The following MARCHF1 variants were observed in gnomAD, a reference collection of about 807,000 sequenced individuals.
MARCHF1 encodes membrane associated ring-CH-type finger 1.
MARCHF1 carries 40 observed loss-of-function variants against 54.2 expected under a neutral mutation model. That is an observed-to-expected ratio of 0.74 (90% CI 0.57 to 0.96). MARCHF1 has a LOEUF of 0.96. Ranked by LOEUF, MARCHF1 falls within the 40% of genes least tolerant of loss-of-function variation. MARCHF1 has a pLI of 0.00. For synonymous variants in MARCHF1, 236 were observed against 236.3 expected (o/e 1.00, Z 0.01); for missense variants, 586 against 656.5 (o/e 0.89, Z 1.17).
At chr4:164,359,741 C>A (rs112622612) in intron 1 of MARCHF1, among the ~76,000 whole-genome samples, 1 of 152,122 alleles carries the variant, frequency 6.6e-6, no homozygotes, top group Non-Finnish European at 1.5e-5. Flanking sequence ...CTTATAAATA[C>A]TGACAGTGCT....
In MARCHF1 at chr4:163,612,647, G is replaced by C; in HGVS notation, c.634C>G (p.Leu212Val). The change falls in exon 7 of 10, where the codon CTG becomes GTG. Residue 212 changes from leucine (L) to valine (V), a missense_variant. This residue lies in a region of MARCHF1 where 387 missense variants were observed against 394.6 expected (regional missense o/e 0.98). Transcript: ENST00000514618. The part of the protein sequence containing the change: ...STPNGIELVD[L>V]GSKGKEQQEL... ...TGTTGCTCTTTACCTTTGGATCCCA[G>C]ATCAACGAGCTCAATTCCGTTAGGA... is the stretch of plus-strand genomic sequence containing the variant. 6.5e-7 allele frequency: 1 copy of C among 1,535,560 alleles called. No homozygotes were observed. The highest frequency in any genetic ancestry group is 8.7e-7 in the Non-Finnish European group (1 of 1,146,544).
At position 164,013,187 on chromosome 4, in the gene MARCHF1, A is replaced by G. The variant is rs149619818; in HGVS notation, c.-247-24478T>C. On this transcript the variant is annotated intron_variant, in intron 2 of 9. Coordinates refer to ENST00000514618, the MANE Select transcript of MARCHF1 (RefSeq NM_001394959.1). Reference sequence around the variant, plus strand: ...ATTAAAAATTCTATCACAAAAATTTAACAAAGTGATTGAAATCATTAAAAA... The same window carrying G: ...ATTAAAAATTCTATCACAAAAATTTGACAAAGTGATTGAAATCATTAAAAA... Among the ~76,000 whole-genome samples, 48 of 152,332 alleles carry G rather than the reference A, an allele frequency of 3.2e-4. 1 individual carries two copies. Among genetic ancestry groups the G allele is most frequent in the African/African-American group, 1.0e-3 (43 of 41,578 alleles).
intron 3 of MARCHF1, among the ~76,000 whole-genome samples, chr4:163,959,098 A>G (rs1180093679): frequency 6.6e-6 from 1 of 151,962 alleles, no homozygotes; most frequent in Non-Finnish European, 1.5e-5. Flanking sequence ...AGGTTGATCT[A>G]CCATACACAG....
At chr4:164,061,972 T>C (rs946128248) in intron 2 of MARCHF1, among the ~76,000 whole-genome samples, 11 of 152,164 alleles carry the variant, frequency 7.2e-5, no homozygotes, top group African/African-American at 2.7e-4. Flanking sequence ...TCATGAAAGA[T>C]TATTCTGTAG....
chr4:164,208,122 C>G lies in MARCHF1; in HGVS notation c.-322-96460G>C, dbSNP rs560744797. ...TCCCTGATGTCAAGGAGCTCTGTGT[C>G]AAGGGATTAACTCATCAGTGTCTCT... On this transcript the variant is annotated intron_variant, in intron 1 of 9. Transcript: ENST00000514618. Among the ~76,000 whole-genome samples the G allele has an allele frequency of 7.9e-5, 12 of 152,212 alleles. No homozygotes were observed. The South Asian group carries it at 1.5e-3, about 18-fold the overall frequency.
At chr4:164,073,880 C>T (rs1201776686) in intron 2 of MARCHF1, among the ~76,000 whole-genome samples, 6 of 151,906 alleles carry the variant, frequency 3.9e-5, no homozygotes, top group South Asian at 2.1e-4. Flanking sequence ...TTCGGCTCAC[C>T]GCAAACTCTG....
intron 4 of MARCHF1, among the ~76,000 whole-genome samples, chr4:163,789,830 A>C (rs1283104453): frequency 6.6e-6 from 1 of 152,012 alleles, no homozygotes; most frequent in Non-Finnish European, 1.5e-5. Flanking sequence ...CTTAAGGAAA[A>C]ATGTTTGAAA....
intron 3 of MARCHF1, among the ~76,000 whole-genome samples, chr4:163,934,999 A>G (rs923071568): frequency 2.6e-5 from 4 of 152,130 alleles, no homozygotes; most frequent in Admixed American, 1.3e-4. Flanking sequence ...CTTAAAAACT[A>G]TGTTTCTTAA....
chr4:163,536,489 A>G (rs1402636231), intron 9 of MARCHF1, among the ~76,000 whole-genome samples: 2 of 152,156 alleles, frequency 1.3e-5, no homozygotes, highest in Non-Finnish European at 2.9e-5. Flanking sequence ...CTCCGTGTGC[A>G]GTATGAGCTC....
chr4:164,055,981 T>C (rs1039037909), intron 2 of MARCHF1, among the ~76,000 whole-genome samples: 1 of 152,188 alleles, frequency 6.6e-6, no homozygotes, highest in African/African-American at 2.4e-5. Flanking sequence ...CAGAAATAAC[T>C]TTCAAAGAGC....
chr4:163,836,349 C>T (rs1447167059), intron 4 of MARCHF1, among the ~76,000 whole-genome samples: 1 of 150,448 alleles, frequency 6.6e-6, no homozygotes, highest in Non-Finnish European at 1.5e-5. Context: ...AGGTTCACGC[C>T]ATTCTCCTGC....
intron 7 of MARCHF1, among the ~76,000 whole-genome samples, chr4:163,589,776 C>T (rs770993881): frequency 2.2e-4 from 34 of 151,982 alleles, no homozygotes; most frequent in South Asian, 1.0e-3. Flanking sequence ...AATTTTGGTA[C>T]ATTTTTACCT....
At chr4:164,094,209 G>A (rs1285598664) in intron 2 of MARCHF1, among the ~76,000 whole-genome samples, 2 of 152,096 alleles carry the variant, frequency 1.3e-5, no homozygotes, top group East Asian at 3.9e-4. Flanking sequence ...AAAAGAAGAG[G>A]AAATAATTTA....
intron 4 of MARCHF1, among the ~76,000 whole-genome samples, chr4:163,791,963 A>G (rs1233076368): frequency 1.3e-5 from 2 of 152,182 alleles, no homozygotes; most frequent in Non-Finnish European, 2.9e-5. Flanking sequence ...TGCCCAGACA[A>G]TAACTGTTTC....
chr4:163,595,855 C>T (rs1417472165), intron 7 of MARCHF1, among the ~76,000 whole-genome samples: 1 of 151,988 alleles, frequency 6.6e-6, no homozygotes, highest in Non-Finnish European at 1.5e-5. Flanking sequence ...CTATAGTTAA[C>T]AGTAAATACT....
At chr4:163,720,802 A>T (rs1745427223) in intron 4 of MARCHF1, among the ~76,000 whole-genome samples, 1 of 152,100 alleles carries the variant, frequency 6.6e-6, no homozygotes, top group African/African-American at 2.4e-5. Context: ...TGTGAATGGG[A>T]GTTCACTCAT....
intron 5 of MARCHF1, among the ~76,000 whole-genome samples, chr4:163,695,287 G>A (rs191229803): frequency 6.6e-6 from 1 of 152,238 alleles, no homozygotes; most frequent in Admixed American, 6.6e-5. Flanking sequence ...AAGATTTACA[G>A]AAGTAAAATT....
intron 4 of MARCHF1, among the ~76,000 whole-genome samples, chr4:163,752,603 AG>A (rs1746556347): frequency 6.6e-6 from 1 of 152,244 alleles, no homozygotes; most frequent in Admixed American, 6.5e-5. Context: ...CAGTGTTTGT[AG>A]AATATATAAC....
intron 4 of MARCHF1, among the ~76,000 whole-genome samples, chr4:163,721,719 T>A (rs972360337): frequency 1.3e-5 from 2 of 152,172 alleles, no homozygotes; most frequent in African/African-American, 4.8e-5. Context: ...CTGTTATTTG[T>A]CTATTCAGGG....
Sources: allele counts gnomAD v4.1 joint callset (sites outside exome capture counted in the v4.1 genomes callset), GRCh38; gene constraint gnomAD v4.1.1; regional missense constraint gnomAD v4.1.1; transcripts MANE v1.5; gene names NCBI Gene and HGNC (gene_info 2026-07-23, HGNC 2026-07-21).